Variants in FAM168A observed in about 807,000 individuals in gnomAD.
FAM168A encodes the protein family with sequence similarity 168 member A.
In FAM168A, 3 loss-of-function variants were observed where a neutral mutation model predicts 28.5. The observed-to-expected ratio is 0.11, with a 90% CI of 0.05 to 0.27. The LOEUF is 0.27. Among genes scored for constraint, FAM168A ranks in the 10% least tolerant of loss-of-function variants. The pLI is 1.00. For synonymous variants in FAM168A, 122 were observed against 124.2 expected (o/e 0.98, Z 0.12); for missense variants, 222 against 311.5 (o/e 0.71, Z 2.16).
At chr11:73,461,492 T>C (rs1247035839) in intron 2 of FAM168A, among the ~76,000 whole-genome samples, 7 of 152,188 alleles carry the variant, frequency 4.6e-5, no homozygotes, top group Admixed American at 4.6e-4. Flanking sequence ...GGGTTGGATT[T>C]GATGGTCTCT....
intron 1 of FAM168A, among the ~76,000 whole-genome samples, chr11:73,558,443 T>C (rs1042446587): frequency 1.5e-5 from 2 of 129,954 alleles, no homozygotes; most frequent in Non-Finnish European, 3.1e-5. Context: ...TACTCCAACC[T>C]GGGCAACAGA....
chr11:73,476,934 A>C (rs1867896625), intron 1 of FAM168A, among the ~76,000 whole-genome samples: 1 of 152,134 alleles, frequency 6.6e-6, no homozygotes, highest in South Asian at 2.1e-4. Context: ...AAACTGTGAG[A>C]AACTAGCAAG....
chr11:73,414,373 C>T (rs941286119), intron 4 of FAM168A, among the ~76,000 whole-genome samples: 2 of 152,140 alleles, frequency 1.3e-5, no homozygotes, highest in Admixed American at 1.3e-4. Flanking sequence ...TTTGCTGACC[C>T]CTAATTTAAA....
At chr11:73,528,978 T>A (rs1458602124) in intron 1 of FAM168A, among the ~76,000 whole-genome samples, 2 of 152,172 alleles carry the variant, frequency 1.3e-5, no homozygotes, top group African/African-American at 4.8e-5. Context: ...TGCATTCTTT[T>A]GTGAGCTGCT....
At chr11:73,461,407 G>A (rs184497163) in intron 2 of FAM168A, among the ~76,000 whole-genome samples, 8 of 152,220 alleles carry the variant, frequency 5.3e-5, no homozygotes, top group East Asian at 1.9e-4. Context: ...TATGAGCCAC[G>A]GCACATGGCC....
intron 1 of FAM168A, among the ~76,000 whole-genome samples, chr11:73,534,455 C>T (rs56701090): frequency 0.082 from 12,364 of 150,456 alleles, 1,541 homozygotes; most frequent in African/African-American, 0.27. Flanking sequence ...CAGGCTGGAG[C>T]GCAATGGTGC....
chr11:73,431,434 T>C (rs545300179), intron 2 of FAM168A, among the ~76,000 whole-genome samples: 3 of 148,122 alleles, frequency 2.0e-5, no homozygotes, highest in East Asian at 4.2e-4. Context: ...CCTGCCGCAC[T>C]ACTCTCCTCC....
intron 1 of FAM168A, among the ~76,000 whole-genome samples, chr11:73,590,350 C>T (rs1454556422): frequency 6.6e-6 from 1 of 152,192 alleles, no homozygotes; most frequent in Non-Finnish European, 1.5e-5. Context: ...CTGCAGTGAG[C>T]CATGACTGTG....
chr11:73,489,731 G>A (rs879607175), intron 1 of FAM168A, among the ~76,000 whole-genome samples: 1 of 152,052 alleles, frequency 6.6e-6, no homozygotes, highest in African/African-American at 2.4e-5. Context: ...GGCTGGTCTT[G>A]AATCCCTGGG....
chr11:73,404,754 T>G lies in FAM168A; in HGVS notation c.*2009A>C, dbSNP rs1866472518. On this transcript the variant is annotated 3_prime_UTR_variant, in exon 8 of 8. Transcript: ENST00000356467. ...CTCCTGGGAATGGCTAGACAGCTTCTGAGCTCCTTCCAACCCAAGGGTTTC... is the reference window on the plus strand; with the variant it reads ...CTCCTGGGAATGGCTAGACAGCTTCGGAGCTCCTTCCAACCCAAGGGTTTC... 2 of 152,376 alleles carry G rather than the reference T, an allele frequency of 1.3e-5. No individual in the cohort carries two copies. Among genetic ancestry groups the G allele is most frequent in the Non-Finnish European group, 1.5e-5 (1 of 68,026 alleles). 9.4% of individuals were successfully genotyped at this position (152,376 alleles called of 1,614,324 possible). A position where few individuals can be genotyped will look rare whatever the true frequency, so the allele number is the denominator to read the frequency against.
intron 1 of FAM168A, among the ~76,000 whole-genome samples, chr11:73,590,807 G>A (rs1944372001): frequency 6.6e-6 from 1 of 152,076 alleles, no homozygotes; most frequent in African/African-American, 2.4e-5. Flanking sequence ...CTCCTCGGGT[G>A]ATTCTAAAGA....
chr11:73,465,944 C>T (rs756654160), intron 2 of FAM168A, among the ~76,000 whole-genome samples: 1 of 151,698 alleles, frequency 6.6e-6, no homozygotes, highest in South Asian at 2.1e-4. Flanking sequence ...AGTAAGTACT[C>T]GGTAAAGGGG....
intron 2 of FAM168A, among the ~76,000 whole-genome samples, chr11:73,435,733 A>G (rs533686737): frequency 1.3e-5 from 2 of 152,268 alleles, no homozygotes; most frequent in Admixed American, 6.5e-5. Flanking sequence ...GGATTGCTTG[A>G]GCTCAGGATC....
intron 1 of FAM168A, among the ~76,000 whole-genome samples, chr11:73,508,310 C>G (rs1590822728): frequency 6.6e-6 from 1 of 150,994 alleles, no homozygotes; most frequent in Non-Finnish European, 1.5e-5. Flanking sequence ...AATTAAGGAG[C>G]AAATTAATAA....
intron 1 of FAM168A, among the ~76,000 whole-genome samples, chr11:73,470,322 C>T (rs1867796382): frequency 6.6e-6 from 1 of 152,198 alleles, no homozygotes; most frequent in Non-Finnish European, 1.5e-5. Flanking sequence ...TACTTGTACT[C>T]CTTCCAGCTT....
intron 1 of FAM168A, among the ~76,000 whole-genome samples, chr11:73,543,946 C>T (rs1262102190): frequency 6.6e-6 from 1 of 152,098 alleles, no homozygotes; most frequent in Admixed American, 6.5e-5. Flanking sequence ...GCCTGGGCAA[C>T]ATAGCAAGAC....
chr11:73,519,789 T>TGTGTGC (rs1410474228), intron 1 of FAM168A, among the ~76,000 whole-genome samples: 1 of 151,554 alleles, frequency 6.6e-6, no homozygotes, highest in Non-Finnish European at 1.5e-5. Flanking sequence ...TGTGTGTGTG[T>TGTGTGC]GTGTGCGTGT....
At chr11:73,529,080 T>C (rs535379549) in intron 1 of FAM168A, among the ~76,000 whole-genome samples, 1 of 152,288 alleles carries the variant, frequency 6.6e-6, no homozygotes, top group South Asian at 2.1e-4. Context: ...ACTGGCTTAT[T>C]TAAAAGGTCG....
intron 2 of FAM168A, among the ~76,000 whole-genome samples, chr11:73,438,097 T>TTCATCA (rs753245511): frequency 1.3e-5 from 2 of 152,094 alleles, no homozygotes; most frequent in African/African-American, 2.4e-5. Context: ...GCATCCAGAT[T>TTCATCA]TCATCATCAT....
Sources: allele counts gnomAD v4.1 joint callset (sites outside exome capture counted in the v4.1 genomes callset), GRCh38; gene constraint gnomAD v4.1.1; transcripts MANE v1.5; gene names NCBI Gene and HGNC (gene_info 2026-07-23, HGNC 2026-07-21).